GABRA2: variants seen among roughly 807,000 people sequenced by gnomAD.
GABRA2 encodes gamma-aminobutyric acid receptor subunit alpha-2.
GABRA2 carries 16 observed loss-of-function variants against 48.7 expected under a neutral mutation model. That is an observed-to-expected ratio of 0.33 (90% confidence interval 0.22 to 0.50). The LOEUF is 0.50. Ranked by LOEUF, GABRA2 falls within the 20% of genes least tolerant of loss-of-function variation. The pLI is 0.98. For synonymous variants in GABRA2, 185 were observed against 184.5 expected (o/e 1.00, Z -0.02); for missense variants, 275 against 535.6 (o/e 0.51, Z 4.80).
At chr4:46,329,767 T>C (rs1173141095) in intron 4 of GABRA2, among the ~76,000 whole-genome samples, 2 of 152,150 alleles carry the variant, frequency 1.3e-5, no homozygotes, top group East Asian at 1.9e-4. Flanking sequence ...TGTGTTTATA[T>C]AGTATGCTCC....
At position 46,340,185 on chromosome 4, in the gene GABRA2, C is replaced by A. The variant is rs538399013; in HGVS notation, c.188-7503G>T. On this transcript the variant is annotated intron_variant, in intron 3 of 9. Transcript: ENST00000381620. ...GGAACACTGCTTGCACTCATTCACC[C>A]CTACAGTCTCTTTTTTTAAAAGAAA... 2.1e-4 allele frequency among the ~76,000 whole-genome samples: 32 copies of A among 151,820 alleles called. No individual in the cohort carries two copies. In the Middle Eastern group the frequency reaches 0.014, roughly 65 times the overall value.
chr4:46,346,617 ATATTATATT>A (rs1368780087), intron 3 of GABRA2, among the ~76,000 whole-genome samples: 12 of 148,346 alleles, frequency 8.1e-5, no homozygotes, highest in South Asian at 4.2e-4. Context: ...TTATACTTAA[ATATTATATT>A]TATTATATTT....
intron 8 of GABRA2, among the ~76,000 whole-genome samples, chr4:46,270,604 A>G (rs1012239380): frequency 5.3e-5 from 8 of 152,000 alleles, no homozygotes; most frequent in Non-Finnish European, 7.4e-5. Flanking sequence ...AAAAAAGGTA[A>G]GTACTTTAAA....
At chr4:46,285,452 C>A (rs1027137378) in intron 8 of GABRA2, among the ~76,000 whole-genome samples, 1 of 152,004 alleles carries the variant, frequency 6.6e-6, no homozygotes, top group East Asian at 1.9e-4. Context: ...ATCTATTCAT[C>A]TATTTATCTC....
rs113591910 is a variant in GABRA2 at position 46,245,249 on chromosome 4, A to G, written c.*5059T>C. 4.0e-5 allele frequency among the ~76,000 whole-genome samples: 6 copies of G among 151,376 alleles called. No individual in the cohort carries two copies. The highest frequency in any genetic ancestry group is 1.4e-4 in the African/African-American group (6 of 41,480). On this transcript the variant is annotated 3_prime_UTR_variant, in exon 10 of 10. Coordinates refer to ENST00000381620, the MANE Select transcript of GABRA2 (RefSeq NM_000807.4). ...AAGAATTATACTCTGAATCATTCCA[A>G]TTCAAAAAGTAAGGTATGAAACAAA...
intron 3 of GABRA2, among the ~76,000 whole-genome samples, chr4:46,383,597 T>C (rs1189064785): frequency 6.6e-6 from 1 of 152,208 alleles, no homozygotes; most frequent in Admixed American, 6.5e-5. Flanking sequence ...CATAAAATGG[T>C]AATAAATCAT....
chr4:46,383,993 T>C (rs1717106609), intron 3 of GABRA2, among the ~76,000 whole-genome samples: 1 of 152,184 alleles, frequency 6.6e-6, no homozygotes. Context: ...TTGATATCAT[T>C]GAAATGCCAA....
Position 46,386,169 on chromosome 4 carries a change from T to C in GABRA2, c.92A>G (p.Gln31Arg). The change falls in exon 3 of 10, where the codon CAA (glutamine) becomes CGA (arginine). Residue 31 changes from glutamine (Q) to arginine (R), a missense_variant. By Grantham distance (43) the Gln-to-Arg change is conservative. Around this residue, in one of 4 missense-constraint regions of GABRA2, gnomAD observed 39 missense variants for 40.5 expected, o/e 0.96. Transcript: ENST00000381620. ...AATGTTATTTTTAGCCTCATCTTCT[T>C]GGATGTTAGCCAGCACCAACCTAAA... ...DPARLVLANIQEDEAKNNITI... is the reference protein window; with the variant it reads ...DPARLVLANIREDEAKNNITI... The C allele has an allele frequency of 6.2e-7, 1 of 1,609,954 alleles. No homozygotes were observed. The highest frequency in any genetic ancestry group is 1.1e-5 in the South Asian group (1 of 90,342).
At chr4:46,366,301 C>T (rs940382025) in intron 3 of GABRA2, 2 of 152,008 alleles carry the variant, frequency 1.3e-5, no homozygotes, top group East Asian at 3.9e-4. Flanking sequence ...CTCAGGATGA[C>T]CAAGAAATGC....
chr4:46,304,699 G>A (rs956451862), intron 7 of GABRA2, among the ~76,000 whole-genome samples: 1 of 151,880 alleles, frequency 6.6e-6, no homozygotes, highest in African/African-American at 2.4e-5. Flanking sequence ...GGAGGCCGAG[G>A]CAGGCTGATC....
intron 4 of GABRA2, among the ~76,000 whole-genome samples, chr4:46,319,637 T>A (rs1729119100): frequency 6.6e-6 from 1 of 151,754 alleles, no homozygotes; most frequent in Non-Finnish European, 1.5e-5. Context: ...CAAGCCTTAT[T>A]ATACAAAGAA....
chr4:46,321,609 T>G (rs947087261), intron 4 of GABRA2, among the ~76,000 whole-genome samples: 6 of 152,154 alleles, frequency 3.9e-5, no homozygotes, highest in Non-Finnish European at 7.4e-5. Flanking sequence ...GGTACCTGGC[T>G]TTGAGCAGGT....
At chr4:46,339,125 C>T (rs1732766216) in intron 3 of GABRA2, among the ~76,000 whole-genome samples, 1 of 151,838 alleles carries the variant, frequency 6.6e-6, no homozygotes, top group African/African-American at 2.4e-5. Flanking sequence ...CCTAGCTCTA[C>T]AGGTTCATTT....
intron 8 of GABRA2, among the ~76,000 whole-genome samples, chr4:46,273,720 G>T (rs2109419202): frequency 6.6e-6 from 1 of 151,976 alleles, no homozygotes; most frequent in African/African-American, 2.4e-5. Flanking sequence ...CCAAGCACAG[G>T]ATAGTCTTGG....
intron 3 of GABRA2, among the ~76,000 whole-genome samples, chr4:46,360,664 G>A (rs1189597062): frequency 6.6e-6 from 1 of 152,196 alleles, no homozygotes; most frequent in East Asian, 1.9e-4. Context: ...ATGTGGAAAG[G>A]ACTTTGGAAC....
At chr4:46,286,086 G>C (rs1178847280) in intron 8 of GABRA2, among the ~76,000 whole-genome samples, 4 of 152,042 alleles carry the variant, frequency 2.6e-5, no homozygotes, top group African/African-American at 9.6e-5. Flanking sequence ...AGGATACTCT[G>C]TCTCTATTAA....
At chr4:46,368,451 C>T (rs74607062) in intron 3 of GABRA2, 3,719 of 152,392 alleles carry the variant, frequency 0.024, 91 homozygotes, top group East Asian at 0.12. Flanking sequence ...CATTTTTAAC[C>T]AGAACCTTGA....
intron 4 of GABRA2, among the ~76,000 whole-genome samples, chr4:46,326,860 C>T (rs34406688): frequency 0.025 from 3,832 of 151,966 alleles, 57 homozygotes; most frequent in South Asian, 0.041. Flanking sequence ...CCCCGAGCAA[C>T]AGAACAAAGA....
intron 3 of GABRA2, chr4:46,366,188 G>A (rs1199044731): frequency 6.6e-6 from 1 of 151,960 alleles, no homozygotes; most frequent in Non-Finnish European, 1.5e-5. Context: ...AACAGATTCT[G>A]GCTTTAATTC....
Sources: gnomAD v4.1 joint callset for allele counts (sites outside exome capture counted in the v4.1 genomes callset) on GRCh38, gnomAD v4.1.1 for gene constraint, gnomAD v4.1.1 regional missense constraint, MANE v1.5 for transcripts, NCBI Gene and HGNC (gene_info 2026-07-23, HGNC 2026-07-21) for gene names.